The following POU6F2 variants were observed in gnomAD, a reference collection of about 807,000 sequenced individuals.
POU6F2 encodes POU domain, class 6, transcription factor 2.
Under a neutral mutation model 71.3 loss-of-function variants are expected in POU6F2, and 31 were observed. That is an observed-to-expected ratio of 0.43 (90% CI 0.33 to 0.59). The LOEUF is 0.59. Ranked by LOEUF, POU6F2 falls within the 20% of genes least tolerant of loss-of-function variation. The pLI is 0.04. For missense variants in POU6F2, 783 were observed against 856.8 expected, an observed-to-expected ratio of 0.91 and a Z score of 1.07; for synonymous variants, 347 against 355.7, an observed-to-expected ratio of 0.98 and a Z score of 0.27.
intron 1 of POU6F2, among the ~76,000 whole-genome samples, chr7:39,026,535 A>G (rs1355500276): frequency 3.9e-5 from 6 of 151,976 alleles, no homozygotes; most frequent in South Asian, 2.1e-4. Flanking sequence ...TCAGTCATAG[A>G]TGGGAATTGA....
intron 1 of POU6F2, among the ~76,000 whole-genome samples, chr7:39,019,757 GC>G (rs1415556980): frequency 6.8e-6 from 1 of 147,262 alleles, no homozygotes; most frequent in Non-Finnish European, 1.5e-5. Context: ...AAAAACCTTT[GC>G]TCCTTTTATC....
intron 2 of POU6F2, among the ~76,000 whole-genome samples, chr7:39,191,235 A>G (rs1793657989): frequency 6.6e-6 from 1 of 152,218 alleles, no homozygotes; most frequent in Non-Finnish European, 1.5e-5. Context: ...GTCATGGTTT[A>G]ACTGGCAGCT....
intron 5 of POU6F2, among the ~76,000 whole-genome samples, chr7:39,361,185 G>C (rs1236877516): frequency 6.6e-6 from 1 of 152,198 alleles, no homozygotes; most frequent in Non-Finnish European, 1.5e-5. Context: ...TATAAATCAA[G>C]ATTGGCTGCA....
chr7:39,083,753 T>TATACAATTCAA (rs1344673180), intron 1 of POU6F2: 15 of 152,190 alleles, frequency 9.9e-5, no homozygotes, highest in Non-Finnish European at 1.6e-4. Flanking sequence ...ATATTTCAAA[T>TATACAATTCAA]ATTTACAATA....
At chr7:39,033,940 C>G (rs1014698738) in intron 1 of POU6F2, among the ~76,000 whole-genome samples, 1 of 152,172 alleles carries the variant, frequency 6.6e-6, no homozygotes. Context: ...ATGTTATGAA[C>G]AGTAAGGTAA....
At chr7:39,247,550 C>A (rs920442347) in intron 4 of POU6F2, among the ~76,000 whole-genome samples, 11 of 152,120 alleles carry the variant, frequency 7.2e-5, no homozygotes, top group African/African-American at 2.7e-4. Flanking sequence ...AAGAAGTTTT[C>A]TTAGTGTCAT....
In POU6F2 at chr7:39,296,677, A is replaced by G. The variant is rs1229649108; in HGVS notation, c.599-42965A>G. ...ACCTCATTGGCACCAACTCATCCTC[A>G]GGGAAGCCACCCTCCTGCCAGTGCC... On this transcript the variant is annotated intron_variant, in intron 4 of 9. Coordinates refer to ENST00000518318, the MANE Select transcript of POU6F2 (RefSeq NM_001370959.1). Among the ~76,000 whole-genome samples, 3 of 152,166 alleles carry G rather than the reference A, an allele frequency of 2.0e-5. No individual in the cohort carries two copies. In the South Asian group the frequency reaches 6.2e-4, roughly 32 times the overall value.
At chr7:39,207,795 G>C (rs919545861) in intron 4 of POU6F2, among the ~76,000 whole-genome samples, 175 bp downstream of exon 4, 1 of 152,188 alleles carries the variant, frequency 6.6e-6, no homozygotes, top group Non-Finnish European at 1.5e-5. Flanking sequence ...TGAATCCTGA[G>C]CCTGCACAAG....
At chr7:39,412,934 G>A (rs1218174472) in intron 6 of POU6F2, among the ~76,000 whole-genome samples, 1 of 150,452 alleles carries the variant, frequency 6.6e-6, no homozygotes, top group Admixed American at 6.6e-5. Context: ...CCAAGTAGCT[G>A]GGACTACAGG....
intron 4 of POU6F2, among the ~76,000 whole-genome samples, chr7:39,209,133 A>G (rs912669596): frequency 6.6e-6 from 1 of 152,174 alleles, no homozygotes; most frequent in Non-Finnish European, 1.5e-5. Flanking sequence ...TTAAGGGTTC[A>G]AAATTAATGA....
At chr7:39,171,780 A>G (rs992554132) in intron 2 of POU6F2, among the ~76,000 whole-genome samples, 2 of 152,174 alleles carry the variant, frequency 1.3e-5, no homozygotes, top group Non-Finnish European at 2.9e-5. Flanking sequence ...CATCCACTCA[A>G]TCTGCTCTTT....
At chr7:39,349,429 T>A (rs1035331274) in intron 5 of POU6F2, among the ~76,000 whole-genome samples, 1 of 152,072 alleles carries the variant, frequency 6.6e-6, no homozygotes, top group Non-Finnish European at 1.5e-5. Flanking sequence ...ACGTAGCCCC[T>A]GCAGACCCAC....
intron 2 of POU6F2, among the ~76,000 whole-genome samples, chr7:39,111,202 A>G (rs1172883726): frequency 1.3e-5 from 2 of 152,152 alleles, no homozygotes; most frequent in Non-Finnish European, 1.5e-5. Context: ...TGGTTCCAAC[A>G]TATCAGTTTT....
At chr7:38,982,401 C>A (rs1314978035) in intron 1 of POU6F2, among the ~76,000 whole-genome samples, 1 of 152,094 alleles carries the variant, frequency 6.6e-6, no homozygotes, top group Non-Finnish European at 1.5e-5. Flanking sequence ...CTTTCTTATA[C>A]ATACTGGTGC....
chr7:39,441,914 C>T (rs979367390), intron 7 of POU6F2, among the ~76,000 whole-genome samples: 5 of 152,072 alleles, frequency 3.3e-5, no homozygotes, highest in African/African-American at 1.2e-4. Flanking sequence ...AGTCAGAAAG[C>T]TGTATAATGT....
chr7:39,275,643 T>C (rs1474650661), intron 4 of POU6F2, among the ~76,000 whole-genome samples: 1 of 152,180 alleles, frequency 6.6e-6, no homozygotes, highest in Non-Finnish European at 1.5e-5. Context: ...GCTACCTGAC[T>C]TCAAACTATA....
In POU6F2 at chr7:39,015,417, A is replaced by G. The variant is rs1789453448; in HGVS notation, c.105+37359A>G. 3.6e-5 allele frequency among the ~76,000 whole-genome samples: 3 copies of G among 82,838 alleles called. 1 individual carries two copies. The South Asian group carries it at 1.6e-3, about 44-fold the overall frequency. The allele number at this position is 82,838 out of a possible 152,430, so 54.3% of individuals were successfully genotyped here. A position where few individuals can be genotyped will look rare whatever the true frequency, so the allele number is the denominator to read the frequency against. On this transcript the variant is annotated intron_variant, in intron 1 of 9. Transcript: ENST00000518318. ...TATATATTATATGTAAATTAGATAT[A>G]ATATCTATTATATATAATATATAAT...
chr7:39,233,267 A>G (rs1447546350), intron 4 of POU6F2, among the ~76,000 whole-genome samples: 1 of 151,538 alleles, frequency 6.6e-6, no homozygotes, highest in Non-Finnish European at 1.5e-5. Context: ...ATTGTAAAAT[A>G]AGAACTAAAG....
chr7:39,353,886 A>G (rs1363414861), intron 5 of POU6F2, among the ~76,000 whole-genome samples: 1 of 152,236 alleles, frequency 6.6e-6, no homozygotes, highest in Non-Finnish European at 1.5e-5. Context: ...TTAAAATGAA[A>G]AACAGGAGAA....
Sources: gnomAD v4.1 joint callset for allele counts (sites outside exome capture counted in the v4.1 genomes callset) on GRCh38, gnomAD v4.1.1 for gene constraint, MANE v1.5 for transcripts, NCBI Gene and HGNC (gene_info 2026-07-23, HGNC 2026-07-21) for gene names.